The following HTT-AS variants were observed in gnomAD, a reference collection of about 807,000 sequenced individuals.
HTT-AS encodes HTT antisense RNA (head to head).
intron 1 of HTT-AS, among the ~76,000 whole-genome samples, chr4:3,065,364 C>T (rs1357810312): frequency 6.6e-6 from 1 of 151,996 alleles, no homozygotes; most frequent in African/African-American, 2.4e-5. Context: ...CCTCAGCCTC[C>T]CGAGTAGCTG....
chr4:3,048,322 C>A (rs1711638074), downstream of HTT-AS, among the ~76,000 whole-genome samples: 1 of 152,190 alleles, frequency 6.6e-6, no homozygotes, highest in Non-Finnish European at 1.5e-5. Flanking sequence ...TTACGGTGTC[C>A]TCATGGTCAC....
chr4:3,065,276 G>C (rs1227383860), intron 1 of HTT-AS, among the ~76,000 whole-genome samples: 6 of 151,004 alleles, frequency 4.0e-5, no homozygotes, highest in Non-Finnish European at 1.5e-5. Flanking sequence ...GTCTTGCTCT[G>C]TTGCCAGGCT....
chr4:3,065,614 A>G (rs1560531601), intron 1 of HTT-AS, among the ~76,000 whole-genome samples: 2 of 152,194 alleles, frequency 1.3e-5, no homozygotes, highest in Non-Finnish European at 2.9e-5. Flanking sequence ...TAAGTAAAAA[A>G]TGCCCTTAAT....
At chr4:3,060,093 T>C (rs1203942569) in intron 2 of HTT-AS, among the ~76,000 whole-genome samples, 1 of 152,152 alleles carries the variant, frequency 6.6e-6, no homozygotes, top group Non-Finnish European at 1.5e-5. Flanking sequence ...AATACTTCCC[T>C]ACAGTAATGC....
intron 2 of HTT-AS, among the ~76,000 whole-genome samples, chr4:3,051,270 G>A (rs1315157676): frequency 6.6e-6 from 1 of 152,056 alleles, no homozygotes; most frequent in Non-Finnish European, 1.5e-5. Flanking sequence ...TCTCCACGTT[G>A]GTCAGGCTGG....
chr4:3,052,450 GA>G lies in HTT-AS; in HGVS notation n.1381-2753del, dbSNP rs932898767. On this transcript the variant is annotated intron_variant and non_coding_transcript_variant, in intron 2 of 2. Transcript: ENST00000664062. ...GGAGGTGCCAGAGACCCCGTTTTGG[GA>G]AAAAACTCTGTTTTACTCATGAAAC... Among the ~76,000 whole-genome samples, 68 of 152,198 alleles carry G rather than the reference GA, an allele frequency of 4.5e-4. 1 individual carries two copies. Among genetic ancestry groups the G allele is most frequent in the African/African-American group, 1.4e-3 (57 of 41,520 alleles).
At chr4:3,070,294 CTT>C (rs113541600) in intron 1 of HTT-AS, 25 of 144,496 alleles carry the variant, frequency 1.7e-4, no homozygotes, top group Admixed American at 1.4e-4. Context: ...CTCTCTCGCT[CTT>C]TTTTTTTTTT....
chr4:3,074,563 G>A (rs1712348329), upstream of HTT-AS: 4 of 355,284 alleles, frequency 1.1e-5, no homozygotes, highest in Admixed American at 1.0e-4. Context: ...TCCCTGGCCA[G>A]CCATTGGCAG....
At chr4:3,051,030 T>TGTGTGTGTG (rs1711692286) in intron 2 of HTT-AS, among the ~76,000 whole-genome samples, 2 of 122,484 alleles carry the variant, frequency 1.6e-5, no homozygotes, top group East Asian at 2.5e-4. Context: ...CCCTTACAAT[T>TGTGTGTGTG]TGTGTGTGTG....
At chr4:3,072,924 C>T (rs1375197976) in intron 1 of HTT-AS, among the ~76,000 whole-genome samples, 1 of 152,082 alleles carries the variant, frequency 6.6e-6, no homozygotes, top group Non-Finnish European at 1.5e-5. Flanking sequence ...CACCGCACCT[C>T]GCTGGAACTT....
intron 1 of HTT-AS, among the ~76,000 whole-genome samples, chr4:3,068,174 T>C (rs910896617): frequency 7.3e-5 from 11 of 151,432 alleles, no homozygotes; most frequent in African/African-American, 2.4e-4. Flanking sequence ...GGCATGGTGG[T>C]GGGTGCCTGT....
intron 1 of HTT-AS, among the ~76,000 whole-genome samples, chr4:3,068,401 C>T (rs188860158): frequency 2.2e-4 from 33 of 151,112 alleles, no homozygotes; most frequent in African/African-American, 4.6e-4. Context: ...CACCAAAATC[C>T]GTGAAGAAGG....
intron 2 of HTT-AS, among the ~76,000 whole-genome samples, chr4:3,050,525 A>G (rs980057321): frequency 6.6e-6 from 1 of 152,178 alleles, no homozygotes; most frequent in African/African-American, 2.4e-5. Context: ...CCTTTTATGA[A>G]TCTCCTAAAA....
intron 1 of HTT-AS, among the ~76,000 whole-genome samples, chr4:3,073,630 C>A (rs1372175855): frequency 6.6e-6 from 1 of 152,226 alleles, no homozygotes; most frequent in East Asian, 1.9e-4. Context: ...CTGCCCCAGA[C>A]CCTCTCCTCC....
At chr4:3,073,967 C>T in intron 1 of HTT-AS, among the ~76,000 whole-genome samples, 1 of 151,974 alleles carries the variant, frequency 6.6e-6, no homozygotes, top group Non-Finnish European at 1.5e-5. Context: ...GGCGGGGGAT[C>T]CTTTCCGCAT....
intron 2 of HTT-AS, among the ~76,000 whole-genome samples, chr4:3,058,172 A>G (rs9685822): frequency 6.6e-6 from 1 of 151,846 alleles, no homozygotes; most frequent in Admixed American, 6.6e-5. Context: ...ACTAAAAATA[A>G]AAAATTAGCT....
chr4:3,066,311 A>T (rs1005903248), intron 1 of HTT-AS, among the ~76,000 whole-genome samples: 1 of 151,936 alleles, frequency 6.6e-6, no homozygotes, highest in Non-Finnish European at 1.5e-5. Flanking sequence ...CTGGGATTAC[A>T]GGCTCCCGCC....
At chr4:3,065,909 G>C (rs1004913336) in intron 1 of HTT-AS, among the ~76,000 whole-genome samples, 1 of 152,244 alleles carries the variant, frequency 6.6e-6, no homozygotes, top group Non-Finnish European at 1.5e-5. Context: ...AAAAATTTTA[G>C]TTGAACCAGC....
At chr4:3,049,790 C>T (rs770402684) in intron 2 of HTT-AS, among the ~76,000 whole-genome samples, 10 of 151,990 alleles carry the variant, frequency 6.6e-5, no homozygotes, top group Non-Finnish European at 1.0e-4. Context: ...TCTTAACATG[C>T]GAGAGCTTTT....
Sources: gnomAD v4.1 joint callset for allele counts (sites outside exome capture counted in the v4.1 genomes callset) on GRCh38, gnomAD v4.1.1 for gene constraint, MANE v1.5 for transcripts, NCBI Gene and HGNC (gene_info 2026-07-23, HGNC 2026-07-21) for gene names.